CFAP43: variants seen among roughly 807,000 people sequenced by gnomAD.
The protein encoded by CFAP43 is cilia- and flagella-associated protein 43.
CFAP43 carries 155 observed loss-of-function variants against 218.9 expected under a neutral mutation model. The observed-to-expected ratio is 0.71, with a 90% CI of 0.62 to 0.81. The LOEUF is 0.81. Among genes scored for constraint, CFAP43 ranks in the 30% least tolerant of loss-of-function variants. The probability of loss-of-function intolerance (pLI) is 0.00; values close to 1 mark genes in which losing one functional copy is unlikely to be tolerated. For missense variants in CFAP43, 1,778 were observed against 1,954.3 expected, an observed-to-expected ratio of 0.91 and a Z score of 1.70; for synonymous variants, 645 against 681.3, an observed-to-expected ratio of 0.95 and a Z score of 0.83.
intron 35 of CFAP43, chr10:104,132,688 T>G: frequency 2.3e-5 from 23 of 985,430 alleles, no homozygotes; most frequent in East Asian, 1.1e-4. Context: ...AATACATTCA[T>G]GTACACTAAT....
At chr10:104,154,824 C>G (rs536272534) in intron 27 of CFAP43, among the ~76,000 whole-genome samples, 5 of 152,346 alleles carry the variant, frequency 3.3e-5, no homozygotes, top group South Asian at 2.1e-4. Flanking sequence ...TGCTTCATTT[C>G]CCACTCTTCG....
intron 3 of CFAP43, among the ~76,000 whole-genome samples, chr10:104,223,385 T>C (rs2091232671): frequency 6.6e-6 from 1 of 152,240 alleles, no homozygotes; most frequent in Non-Finnish European, 1.5e-5. Flanking sequence ...TAGACACTAT[T>C]AGGTATGATG....
intron 30 of CFAP43, 53 bp downstream of exon 30, chr10:104,146,210 C>T (rs373809197): frequency 8.8e-5 from 126 of 1,435,782 alleles, no homozygotes; most frequent in Non-Finnish European, 9.8e-6. Flanking sequence ...TCCTCCAATC[C>T]AGGCAGCAAC....
At chr10:104,147,826 CT>C (rs2088049478) in intron 29 of CFAP43, 64 bp downstream of exon 29, 2 of 1,162,364 alleles carry the variant, frequency 1.7e-6, no homozygotes, top group South Asian at 3.1e-5. Context: ...CACGTGAGCT[CT>C]TGCTAAATGA....
chr10:104,154,655 C>G (rs994559307), intron 27 of CFAP43, among the ~76,000 whole-genome samples: 1 of 152,140 alleles, frequency 6.6e-6, no homozygotes, highest in South Asian at 2.1e-4. Context: ...TGTCTTAGAT[C>G]CACCCTTCTT....
At chr10:104,205,040 C>T (rs973586451) in intron 7 of CFAP43, among the ~76,000 whole-genome samples, 2 of 151,794 alleles carry the variant, frequency 1.3e-5, no homozygotes, top group Non-Finnish European at 2.9e-5. Context: ...CGGTGAAACC[C>T]CGTCTCTACT....
rs376929797 is a variant in CFAP43 at position 104,161,058 on chromosome 10, T to G, written c.3519A>C (p.Glu1173Asp). ...TGACCTTTCTATACTTATCTCTTTC[T>G]TCATTTAACTCCTTTACTTTTTTCT... ...DYEKKVKELNEERDKYRKSLE... is the reference protein window; with the variant it reads ...DYEKKVKELNDERDKYRKSLE... The change falls in exon 27 of 38, where the codon GAA (glutamate) becomes GAC (aspartate). Residue 1173 changes from glutamate (E) to aspartate (D), a missense_variant. By Grantham distance (45) the Glu-to-Asp change is conservative. Around this residue, in one of 3 missense-constraint regions of CFAP43, gnomAD observed 1,553 missense variants for 1,685.2 expected, o/e 0.92. Transcript: ENST00000357060. 1.2e-6 allele frequency: 2 copies of G among 1,610,256 alleles called. No homozygotes were observed. The highest frequency in any genetic ancestry group is 2.7e-5 in the African/African-American group (2 of 74,830).
intron 12 of CFAP43, among the ~76,000 whole-genome samples, chr10:104,190,542 C>A (rs1287041860): frequency 6.6e-6 from 1 of 152,192 alleles, no homozygotes; most frequent in African/African-American, 2.4e-5. Context: ...AAGCCTTGAA[C>A]TACATATCCC....
At chr10:104,139,611 C>G (rs1012231366) in intron 34 of CFAP43, among the ~76,000 whole-genome samples, 3 of 152,010 alleles carry the variant, frequency 2.0e-5, no homozygotes, top group African/African-American at 7.2e-5. Context: ...ATGAACGAAC[C>G]TGGCAATCCA....
chr10:104,184,920 TC>T, intron 16 of CFAP43, 95 bp downstream of exon 16: 1 of 1,513,926 alleles, frequency 6.6e-7, no homozygotes, highest in Non-Finnish European at 8.8e-7. Flanking sequence ...GGCAGTGGTC[TC>T]CCAGCACGTT....
intron 7 of CFAP43, among the ~76,000 whole-genome samples, chr10:104,205,401 G>A (rs556463067): frequency 6.6e-6 from 1 of 152,220 alleles, no homozygotes; most frequent in South Asian, 2.1e-4. Flanking sequence ...TTCCTTGTCT[G>A]TAAAAGGAGG....
intron 15 of CFAP43, among the ~76,000 whole-genome samples, chr10:104,185,634 A>C (rs991148073): frequency 6.6e-6 from 1 of 152,232 alleles, no homozygotes; most frequent in African/African-American, 2.4e-5. Context: ...GAACTTAAAC[A>C]AAATGCATCA....
chr10:104,163,258 C>T (rs1397290482), intron 24 of CFAP43, among the ~76,000 whole-genome samples: 1 of 152,160 alleles, frequency 6.6e-6, no homozygotes, highest in East Asian at 1.9e-4. Flanking sequence ...GAACTAATAT[C>T]AGTACCTACC....
chr10:104,189,604 G>C (rs947534998), intron 12 of CFAP43, among the ~76,000 whole-genome samples: 1 of 152,132 alleles, frequency 6.6e-6, no homozygotes, highest in Non-Finnish European at 1.5e-5. Flanking sequence ...CCCAGCCTCA[G>C]TTTTCTTCAC....
intron 1 of CFAP43, 116 bp downstream of exon 1, chr10:104,232,066 G>A: frequency 8.3e-7 from 1 of 1,202,662 alleles, no homozygotes; most frequent in Non-Finnish European, 1.2e-6. Flanking sequence ...GAGGGGAAGA[G>A]GTCGAAGCTG....
chr10:104,194,108 G>A, intron 10 of CFAP43, 94 bp from the exon 11 acceptor site: 1 of 1,456,886 alleles, frequency 6.9e-7, no homozygotes, highest in Non-Finnish European at 9.3e-7. Context: ...AAGCCTGCAG[G>A]ATGAGAAAAG....
rs145569922 is a variant in CFAP43, at chr10:104,171,958, G to T, written c.2586+452C>A. Among the ~76,000 whole-genome samples, 4 of 152,306 alleles carry T rather than the reference G, an allele frequency of 2.6e-5. No homozygotes were observed. The East Asian group carries it at 7.7e-4, about 29-fold the overall frequency. On this transcript the variant is annotated intron_variant, in intron 20 of 37. Transcript: ENST00000357060. ...GGGATAATTAGCCCAGACAGGAGAA[G>T]ATCCACAGGGAACATGGAAATTTCT...
rs754114162 is a variant in CFAP43 at position 104,143,643 on chromosome 10, G to C, written c.3945-4C>G. On this transcript the variant is annotated splice_region_variant and splice_polypyrimidine_tract_variant and intron_variant, in intron 31 of 37. Coordinates refer to ENST00000357060, the MANE Select transcript of CFAP43 (RefSeq NM_025145.7). ...GTGCGTTTTCTGTTTGGAAATCCTGGTATTACCAAGAAAAGCCCATCAACA... is the reference window on the plus strand; with the variant it reads ...GTGCGTTTTCTGTTTGGAAATCCTGCTATTACCAAGAAAAGCCCATCAACA... 1 of 1,613,746 alleles carries C rather than the reference G, an allele frequency of 6.2e-7. No homozygotes were observed. The highest frequency in any genetic ancestry group is 1.7e-5 in the Admixed American group (1 of 59,972).
At chr10:104,209,367 A>G (rs2090786055) in intron 5 of CFAP43, among the ~76,000 whole-genome samples, 1 of 152,232 alleles carries the variant, frequency 6.6e-6, no homozygotes, top group African/African-American at 2.4e-5. Flanking sequence ...GCTTTCAGAA[A>G]AATTTAAAAT....
Sources: allele counts gnomAD v4.1 joint callset (sites outside exome capture counted in the v4.1 genomes callset), GRCh38; gene constraint gnomAD v4.1.1; regional missense constraint gnomAD v4.1.1; transcripts MANE v1.5; gene names NCBI Gene and HGNC (gene_info 2026-07-23, HGNC 2026-07-21).